RFX3: variants seen among roughly 807,000 people sequenced by gnomAD.
RFX3 encodes the protein regulatory factor X3.
Under a neutral mutation model 98.6 loss-of-function variants are expected in RFX3, and 14 were observed. The observed-to-expected ratio is 0.14, with a 90% CI of 0.09 to 0.22. The LOEUF (loss-of-function observed/expected upper bound fraction) is 0.22, where lower values mean the gene tolerates loss of function less well. Ranked by LOEUF, RFX3 falls within the 10% of genes least tolerant of loss-of-function variation. The pLI is 1.00. For missense variants in RFX3, 639 were observed against 926.9 expected, an observed-to-expected ratio of 0.69 and a Z score of 4.03; for synonymous variants, 383 against 328.4, an observed-to-expected ratio of 1.17 and a Z score of -1.80.
At chr9:3,254,270 T>C (rs1336103787) in intron 14 of RFX3, among the ~76,000 whole-genome samples, 4 of 137,468 alleles carry the variant, frequency 2.9e-5, no homozygotes, top group South Asian at 2.3e-4. Context: ...CAACTAAATA[T>C]AGGAAAAAAA....
At chr9:3,522,975 G>A (rs1013246601) in intron 1 of RFX3, among the ~76,000 whole-genome samples, 1 of 152,066 alleles carries the variant, frequency 6.6e-6, no homozygotes, top group Non-Finnish European at 1.5e-5. Context: ...TTGAGTACTG[G>A]AGGAATAATA....
At chr9:3,362,346 A>G (rs533954650) in intron 2 of RFX3, among the ~76,000 whole-genome samples, 38 of 151,678 alleles carry the variant, frequency 2.5e-4, no homozygotes, top group African/African-American at 8.8e-4. Flanking sequence ...TTTTATGTAG[A>G]AAACAGAATT....
chr9:3,398,033 G>A (rs1841075277), intron 1 of RFX3, among the ~76,000 whole-genome samples: 1 of 152,092 alleles, frequency 6.6e-6, no homozygotes, highest in South Asian at 2.1e-4. Flanking sequence ...TGAGTATGTG[G>A]GAAACTTCCT....
intron 2 of RFX3, among the ~76,000 whole-genome samples, chr9:3,389,658 C>A (rs558260987): frequency 6.6e-6 from 1 of 151,892 alleles, no homozygotes; most frequent in Non-Finnish European, 1.5e-5. Context: ...AATTCCACAC[C>A]CGACCTCAAG....
Position 3,266,238 on chromosome 9 carries a change from G to C in RFX3, c.1425C>G (p.Asn475Lys). 6.2e-7 allele frequency: 1 copy of C among 1,610,730 alleles called. No homozygotes were observed. Among genetic ancestry groups the C allele is most frequent in the Non-Finnish European group, 8.5e-7 (1 of 1,177,718 alleles). The change falls in exon 12 of 17, where the codon AAC becomes AAG. Residue 475 changes from asparagine (N) to lysine (K), a missense_variant. Around this residue, in one of 9 missense-constraint regions of RFX3, gnomAD observed 138 missense variants for 308.9 expected, o/e 0.45. Coordinates refer to ENST00000617270, the MANE Select transcript of RFX3 (RefSeq NM_001282116.2). ...TTTGTATCATTCTCTGTGGAATATTGTTCATGGCATTGGAAAGCCAACCTT... is the reference window on the plus strand; with the variant it reads ...TTTGTATCATTCTCTGTGGAATATTCTTCATGGCATTGGAAAGCCAACCTT... ...SLEGWLSNAM[N>K]NIPQRMIQTK...
chr9:3,301,761 T>TC lies in RFX3; in HGVS notation c.475-142dup. The stretch of plus-strand genomic sequence containing the variant: ...AACAGTTGCCACTTAATGTGTTTTC[T>TC]CCCCTTCTTCCCCACCCTCCAGAGA... On this transcript the variant is annotated intron_variant, in intron 4 of 16. Coordinates refer to ENST00000617270, the MANE Select transcript of RFX3 (RefSeq NM_001282116.2). 6 of 525,098 alleles carry TC rather than the reference T, an allele frequency of 1.1e-5. No homozygotes were observed. In the Middle Eastern group the frequency reaches 2.2e-3, roughly 197 times the overall value. 32.5% of individuals were successfully genotyped at this position (525,098 alleles called of 1,614,324 possible).
At chr9:3,327,004 C>T (rs747789942) in intron 4 of RFX3, among the ~76,000 whole-genome samples, 1 of 151,970 alleles carries the variant, frequency 6.6e-6, no homozygotes, top group Non-Finnish European at 1.5e-5. Context: ...GGTTATATGT[C>T]GAACACTAAA....
Position 3,395,525 on chromosome 9 carries a change from T to C in RFX3, c.64A>G (p.Ser22Gly). The change falls in exon 2 of 17, where the codon AGT becomes GGT. Residue 22 changes from serine to glycine, a missense_variant. Ser to Gly is a moderately conservative substitution (Grantham distance 56, BLOSUM62 0). This residue lies in a region of RFX3 where 210 missense variants were observed against 197.7 expected (regional missense o/e 1.06). Coordinates refer to ENST00000617270, the MANE Select transcript of RFX3 (RefSeq NM_001282116.2). ...STVTLQTSVA[S>G]QAAVPTQVVQ... is the part of the protein sequence containing the mutation. ...ACCTGCGTAGGCACTGCTGCTTGAC[T>C]AGCCACAGATGTTTGTAAGGTCACT... 6.2e-7 allele frequency: 1 copy of C among 1,614,130 alleles called. No individual in the cohort carries two copies. The highest frequency in any genetic ancestry group is 8.5e-7 in the Non-Finnish European group (1 of 1,179,970).
intron 16 of RFX3, among the ~76,000 whole-genome samples, chr9:3,225,707 T>G (rs1223941059): frequency 6.6e-6 from 1 of 152,162 alleles, no homozygotes; most frequent in Non-Finnish European, 1.5e-5. Flanking sequence ...CTACACTAAA[T>G]ATAAATTTTA....
intron 1 of RFX3, among the ~76,000 whole-genome samples, chr9:3,399,770 T>C (rs1398180866): frequency 6.6e-6 from 1 of 151,600 alleles, no homozygotes; most frequent in African/African-American, 2.4e-5. Context: ...AACAACATGG[T>C]GAAACCCCGC....
chr9:3,247,893 T>G (rs1281704841), intron 15 of RFX3, 139 bp downstream of exon 15: 3 of 1,609,854 alleles, frequency 1.9e-6, no homozygotes, highest in Non-Finnish European at 2.5e-6. Flanking sequence ...ACTCTTGCAA[T>G]AACTCCACAG....
intron 2 of RFX3, among the ~76,000 whole-genome samples, chr9:3,371,905 C>G (rs934034126): frequency 2.0e-5 from 3 of 152,108 alleles, no homozygotes; most frequent in Admixed American, 1.3e-4. Flanking sequence ...GAAAAATTCC[C>G]TTTACAGTTT....
At chr9:3,330,992 T>C (rs1296460524) in intron 3 of RFX3, among the ~76,000 whole-genome samples, 2 of 152,216 alleles carry the variant, frequency 1.3e-5, no homozygotes, top group East Asian at 3.8e-4. Flanking sequence ...GGAGCTATCA[T>C]GGATCTCTTT....
chr9:3,398,914 TAAAAAAAAAAAAA>T (rs71324247), intron 1 of RFX3, among the ~76,000 whole-genome samples: 2 of 67,568 alleles, frequency 3.0e-5, no homozygotes, highest in African/African-American at 4.8e-5. Flanking sequence ...TAGAGTATAA[TAAAAAAAAAAAAA>T]AAAAAAAAAA....
chr9:3,395,150 G>A (rs1307513679), intron 2 of RFX3, among the ~76,000 whole-genome samples: 1 of 152,174 alleles, frequency 6.6e-6, no homozygotes, highest in Non-Finnish European at 1.5e-5. Flanking sequence ...AGAAAGTTGT[G>A]ATAAACAATG....
At chr9:3,485,899 C>T (rs1159480876) in intron 1 of RFX3, among the ~76,000 whole-genome samples, 1 of 151,826 alleles carries the variant, frequency 6.6e-6, no homozygotes, top group Admixed American at 6.6e-5. Flanking sequence ...CCGAGGTGGG[C>T]GGATCACCTG....
intron 2 of RFX3, among the ~76,000 whole-genome samples, chr9:3,395,173 A>C (rs1299759672): frequency 6.6e-6 from 1 of 152,218 alleles, no homozygotes; most frequent in Non-Finnish European, 1.5e-5. Flanking sequence ...GAGAGAAGAG[A>C]AGGAGAAAAC....
At chr9:3,331,215 C>T (rs1250380019) in intron 3 of RFX3, among the ~76,000 whole-genome samples, 4 of 152,084 alleles carry the variant, frequency 2.6e-5, no homozygotes, top group Non-Finnish European at 4.4e-5. Context: ...CACTTGTGAC[C>T]ACAGCTAAAT....
intron 2 of RFX3, among the ~76,000 whole-genome samples, chr9:3,388,717 A>C (rs1317988871): frequency 6.6e-6 from 1 of 152,158 alleles, no homozygotes; most frequent in Admixed American, 6.6e-5. Flanking sequence ...TGAGTCCCTT[A>C]GCAGGAAAAG....
Sources: allele counts gnomAD v4.1 joint callset (sites outside exome capture counted in the v4.1 genomes callset), GRCh38; gene constraint gnomAD v4.1.1; regional missense constraint gnomAD v4.1.1; transcripts MANE v1.5; gene names NCBI Gene and HGNC (gene_info 2026-07-23, HGNC 2026-07-21).